LRP1B: variants seen among roughly 807,000 people sequenced by gnomAD.
LRP1B encodes LDL receptor related protein 1B.
Under a neutral mutation model 556.6 loss-of-function variants are expected in LRP1B, and 217 were observed. The observed-to-expected ratio is 0.39, with a 90% CI of 0.35 to 0.44. The LOEUF is 0.44. LRP1B is among the 20% of genes least tolerant of loss of function. The probability of loss-of-function intolerance (pLI) is 1.00; values close to 1 mark genes in which losing one functional copy is unlikely to be tolerated. For missense variants in LRP1B, 5,053 were observed against 5,620.8 expected (o/e 0.90, Z 3.23); for synonymous variants, 2,047 against 1,865.8 (o/e 1.10, Z -2.50).
chr2:141,598,721 T>C (rs1427235735), intron 2 of LRP1B, among the ~76,000 whole-genome samples: 2 of 152,126 alleles, frequency 1.3e-5, no homozygotes, highest in Non-Finnish European at 2.9e-5. Flanking sequence ...GTCTGATACA[T>C]GTGCAAACAG....
chr2:141,752,484 A>C (rs940586034), intron 2 of LRP1B, among the ~76,000 whole-genome samples: 4 of 152,102 alleles, frequency 2.6e-5, no homozygotes, highest in Non-Finnish European at 4.4e-5. Context: ...CTAGATGCAC[A>C]TTTAGCTTAT....
chr2:141,798,413 A>AAT (rs1373300105), intron 2 of LRP1B, among the ~76,000 whole-genome samples: 1 of 152,140 alleles, frequency 6.6e-6, no homozygotes, highest in East Asian at 1.9e-4. Context: ...GACGTCTTAG[A>AAT]ATATATTTTA....
rs141113105 is a variant in LRP1B, at chr2:140,897,869, C to T, written c.3766+5051G>A. 3.4e-4 allele frequency among the ~76,000 whole-genome samples: 51 copies of T among 152,226 alleles called. 4 individuals are homozygous for T. In the Middle Eastern group the frequency reaches 0.041, roughly 122 times the overall value. On this transcript the variant is annotated intron_variant, in intron 23 of 90. Transcript: ENST00000389484. ...AGGTTTTGGGACTCAGACTGGTTTC[C>T]GGGCTCCTCAGCTTGCAGACAGCCT...
intron 27 of LRP1B, among the ~76,000 whole-genome samples, chr2:140,863,308 A>G (rs1219133523): frequency 6.6e-6 from 1 of 152,144 alleles, no homozygotes; most frequent in Non-Finnish European, 1.5e-5. Flanking sequence ...CATTTTTTAA[A>G]AAATTGTTTC....
chr2:140,414,213 G>A (rs990099872), intron 66 of LRP1B, among the ~76,000 whole-genome samples: 1 of 152,046 alleles, frequency 6.6e-6, no homozygotes, highest in Non-Finnish European at 1.5e-5. Flanking sequence ...ACCACACAGG[G>A]CCCATCTTTT....
chr2:141,613,858 A>T (rs1338390986), intron 2 of LRP1B, among the ~76,000 whole-genome samples: 1 of 152,042 alleles, frequency 6.6e-6, no homozygotes, highest in African/African-American at 2.4e-5. Flanking sequence ...GGATCACCTT[A>T]AGTCGGGAGT....
At chr2:141,510,212 A>ACACACT (rs1684073142) in intron 2 of LRP1B, among the ~76,000 whole-genome samples, 1 of 150,690 alleles carries the variant, frequency 6.6e-6, no homozygotes, top group Admixed American at 6.6e-5. Flanking sequence ...ACACACACAC[A>ACACACT]CACACACACA....
intron 84 of LRP1B, among the ~76,000 whole-genome samples, chr2:140,293,588 C>T (rs566188390): frequency 6.6e-6 from 1 of 152,088 alleles, no homozygotes; most frequent in African/African-American, 2.4e-5. Flanking sequence ...TGTAATGAAC[C>T]ATTCTGTCAT....
At chr2:141,332,646 CA>C (rs1469217160) in intron 3 of LRP1B, among the ~76,000 whole-genome samples, 1 of 151,076 alleles carries the variant, frequency 6.6e-6, no homozygotes, top group African/African-American at 2.4e-5. Context: ...ATGGATGGGT[CA>C]AAGTCATTGC....
intron 1 of LRP1B, among the ~76,000 whole-genome samples, chr2:141,966,839 A>T (rs558991211): frequency 6.6e-6 from 1 of 151,852 alleles, no homozygotes. Context: ...CGCTGGATAC[A>T]TTCAATTTGT....
intron 3 of LRP1B, among the ~76,000 whole-genome samples, chr2:141,480,147 CA>C (rs1473630494): frequency 1.4e-5 from 2 of 147,508 alleles, no homozygotes; most frequent in African/African-American, 2.5e-5. Context: ...AGCCCAACTT[CA>C]AAGTCTAAAT....
At chr2:141,038,632 C>T (rs1698607416) in intron 11 of LRP1B, among the ~76,000 whole-genome samples, 1 of 152,032 alleles carries the variant, frequency 6.6e-6, no homozygotes, top group Non-Finnish European at 1.5e-5. Context: ...TTCAGTCTCA[C>T]AATTTGAGGT....
At chr2:141,430,715 C>A (rs1426929147) in intron 3 of LRP1B, among the ~76,000 whole-genome samples, 1 of 151,608 alleles carries the variant, frequency 6.6e-6, no homozygotes, top group Non-Finnish European at 1.5e-5. Flanking sequence ...ATATGGGAGG[C>A]AGAATATTAA....
At chr2:140,262,907 G>A (rs755719335) in intron 86 of LRP1B, among the ~76,000 whole-genome samples, 22 of 152,082 alleles carry the variant, frequency 1.4e-4, no homozygotes, top group African/African-American at 2.2e-4. Flanking sequence ...GGAAATGTGC[G>A]AAAACCGATA....
chr2:141,216,800 G>T (rs879652609), intron 6 of LRP1B, among the ~76,000 whole-genome samples: 5 of 152,024 alleles, frequency 3.3e-5, no homozygotes, highest in Non-Finnish European at 5.9e-5. Flanking sequence ...CCTTTCTTTT[G>T]GTCAGTTTCT....
intron 66 of LRP1B, among the ~76,000 whole-genome samples, chr2:140,436,677 T>C (rs1686198507): frequency 6.6e-6 from 1 of 151,642 alleles, no homozygotes; most frequent in Non-Finnish European, 1.5e-5. Flanking sequence ...ATGAGTAAGA[T>C]ATTAACCAGA....
intron 2 of LRP1B, among the ~76,000 whole-genome samples, chr2:141,530,852 G>C (rs914653166): frequency 6.6e-6 from 1 of 150,714 alleles, no homozygotes; most frequent in Non-Finnish European, 1.5e-5. Context: ...AATAAAGAAA[G>C]TTCAGTACGC....
At chr2:141,709,597 G>A (rs1363603455) in intron 2 of LRP1B, among the ~76,000 whole-genome samples, 1 of 152,086 alleles carries the variant, frequency 6.6e-6, no homozygotes, top group African/African-American at 2.4e-5. Flanking sequence ...GATAGAAAAA[G>A]TATTAAGACG....
At chr2:141,798,118 G>A (rs1019364998) in intron 2 of LRP1B, among the ~76,000 whole-genome samples, 3 of 152,178 alleles carry the variant, frequency 2.0e-5, no homozygotes, top group South Asian at 2.1e-4. Flanking sequence ...GAAAGATTTA[G>A]GTGTAAACAC....
Sources: gnomAD v4.1 joint callset for allele counts (sites outside exome capture counted in the v4.1 genomes callset) on GRCh38, gnomAD v4.1.1 for gene constraint, MANE v1.5 for transcripts, NCBI Gene and HGNC (gene_info 2026-07-23, HGNC 2026-07-21) for gene names.